DYTN: variants seen among roughly 807,000 people sequenced by gnomAD.
DYTN encodes the protein dystrotelin.
In DYTN, 75 loss-of-function variants were observed where a neutral mutation model predicts 69.6. That is an observed-to-expected ratio of 1.08 (90% confidence interval 0.89 to 1.31). DYTN has a LOEUF of 1.31. DYTN is among the 50% of genes most tolerant of loss of function. DYTN has a pLI of 0.00. For synonymous variants in DYTN, 252 were observed against 249.1 expected, an observed-to-expected ratio of 1.01 and a Z score of -0.11; for missense variants, 726 against 688.4, an observed-to-expected ratio of 1.05 and a Z score of -0.61.
At chr2:206,680,516 C>T (rs1403833800) in intron 9 of DYTN, among the ~76,000 whole-genome samples, 2 of 152,046 alleles carry the variant, frequency 1.3e-5, no homozygotes, top group Non-Finnish European at 2.9e-5. Flanking sequence ...CTGCTACTTG[C>T]TTTTTTCTCT....
chr2:206,681,929 T>C (rs1304442517), intron 9 of DYTN, among the ~76,000 whole-genome samples: 1 of 152,224 alleles, frequency 6.6e-6, no homozygotes, highest in Non-Finnish European at 1.5e-5. Context: ...TTCAATAGTT[T>C]GGAATAGTTT....
chr2:206,656,239 C>G (rs1245287333), intron 11 of DYTN, among the ~76,000 whole-genome samples: 1 of 152,032 alleles, frequency 6.6e-6, no homozygotes, highest in Non-Finnish European at 1.5e-5. Context: ...ATAATGACTT[C>G]TTTGTCACTT....
intron 5 of DYTN, among the ~76,000 whole-genome samples, chr2:206,704,258 C>T (rs376573875): frequency 1.3e-5 from 2 of 152,218 alleles, no homozygotes; most frequent in East Asian, 3.9e-4. Flanking sequence ...GTCAAAGAAG[C>T]TTTGAGCAAG....
chr2:206,693,147 G>A (rs1178106005), intron 9 of DYTN, 28 bp downstream of exon 9: 1 of 1,584,840 alleles, frequency 6.3e-7, no homozygotes, highest in Non-Finnish European at 8.6e-7. Flanking sequence ...CTGCTCTGTG[G>A]GATCAGCCAA....
chr2:206,712,199 C>T (rs73064047), intron 1 of DYTN, among the ~76,000 whole-genome samples: 1,956 of 152,232 alleles, frequency 0.013, 43 homozygotes, highest in African/African-American at 0.044. Context: ...TCTAAGAAGT[C>T]GCCAACGTCG....
chr2:206,661,599 T>C (rs183303614), intron 11 of DYTN, among the ~76,000 whole-genome samples: 3 of 152,326 alleles, frequency 2.0e-5, no homozygotes, highest in Admixed American at 2.0e-4. Flanking sequence ...TGAAGACCTT[T>C]ATAAAGATCC....
intron 9 of DYTN, among the ~76,000 whole-genome samples, chr2:206,683,771 A>G (rs1460499201): frequency 2.0e-5 from 3 of 152,190 alleles, no homozygotes; most frequent in East Asian, 3.9e-4. Flanking sequence ...AATACCAAGC[A>G]TGCCCCCACT....
At chr2:206,689,690 T>C (rs1699845095) in intron 9 of DYTN, among the ~76,000 whole-genome samples, 1 of 152,238 alleles carries the variant, frequency 6.6e-6, no homozygotes, top group African/African-American at 2.4e-5. Flanking sequence ...GACTTCCTCA[T>C]GGCCACACAC....
Position 206,675,052 on chromosome 2 carries a change from G to A in DYTN, c.981-9023C>T, listed in dbSNP as rs116445577. On this transcript the variant is annotated intron_variant, in intron 9 of 11. Transcript: ENST00000452335. ...CTCTGAAAGATGTGGAGTCTTTCAG[G>A]AATAAAGACCTGAAATAGAAACAAG... Among the ~76,000 whole-genome samples the A allele has an allele frequency of 9.2e-3, 1,366 of 148,202 alleles. 21 individuals carry two copies. Among genetic ancestry groups the A allele is most frequent in the African/African-American group, 0.032 (1,305 of 40,198 alleles).
Position 206,707,431 on chromosome 2 carries a change from G to C in DYTN, c.167C>G (p.Ser56Cys), listed in dbSNP as rs755323368. ...CTGAGAAAGTTGCTGCACAGAAAGG[G>C]AGTGCTTGCGAGCTTCCCAGAAACT... is the stretch of plus-strand genomic sequence containing the variant. Reference protein sequence around the residue: ...RPSFWEARKHSLSVQQLSQAL... With the variant: ...RPSFWEARKHCLSVQQLSQAL... The change falls in exon 3 of 12, where the codon TCC becomes TGC. Residue 56 changes from serine to cysteine, a missense_variant. Ser to Cys is a moderately radical substitution (Grantham distance 112). Transcript: ENST00000452335. The C allele has an allele frequency of 6.8e-6, 11 of 1,613,082 alleles. No individual in the cohort carries two copies. Among genetic ancestry groups the C allele is most frequent in the Non-Finnish European group, 8.5e-7 (1 of 1,179,602 alleles).
At chr2:206,711,394 A>T (rs1700077170) in intron 1 of DYTN, among the ~76,000 whole-genome samples, 1 of 152,186 alleles carries the variant, frequency 6.6e-6, no homozygotes, top group South Asian at 2.1e-4. Context: ...AGCTATACTT[A>T]GTTCTGTTCC....
intron 9 of DYTN, among the ~76,000 whole-genome samples, chr2:206,678,177 A>C (rs1461340094): frequency 1.3e-5 from 2 of 152,348 alleles, no homozygotes; most frequent in Non-Finnish European, 2.9e-5. Flanking sequence ...ATGAAGGAAA[A>C]AATACAGTTG....
In DYTN at chr2:206,663,351, A is replaced by C. The variant is rs1471622825; in HGVS notation, c.1185T>G (p.Asn395Lys). Residue 395 changes from asparagine to lysine, a missense_variant, in exon 11 of 12, where the codon AAT becomes AAG. Asn to Lys is a moderately conservative substitution (Grantham distance 94). Coordinates refer to ENST00000452335, the MANE Select transcript of DYTN (RefSeq NM_001093730.1). ...PPGPSSSSFQ[N>K]VGNKVDHSST... is the part of the protein sequence containing the mutation. ...AAGAATGGTCAACCTTGTTCCCCAC[A>C]TTTTGAAAGGAAGAAGATGAAGGAC... The C allele has an allele frequency of 1.2e-6, 2 of 1,611,878 alleles. No homozygotes were observed. The highest frequency in any genetic ancestry group is 1.7e-6 in the Non-Finnish European group (2 of 1,179,134).
chr2:206,709,425 G>T (rs1200386227), intron 2 of DYTN, among the ~76,000 whole-genome samples: 1 of 151,818 alleles, frequency 6.6e-6, no homozygotes, highest in Non-Finnish European at 1.5e-5. Context: ...CTCCAGCCTG[G>T]GTGACAGAGT....
rs1699946500 is a variant in DYTN at position 206,698,808 on chromosome 2, A to G, written c.719+919T>C. Among the ~76,000 whole-genome samples the G allele has an allele frequency of 2.0e-5, 3 of 152,242 alleles. No homozygotes were observed. The South Asian group carries it at 6.2e-4, about 32-fold the overall frequency. On this transcript the variant is annotated intron_variant, in intron 7 of 11. Coordinates refer to ENST00000452335, the MANE Select transcript of DYTN (RefSeq NM_001093730.1). Reference sequence around the variant, plus strand: ...TTTGCTCCAGGTGGAGAGAAGATCAAGCCTGAGTTGTTCTCATGAATGCTG... The same window carrying G: ...TTTGCTCCAGGTGGAGAGAAGATCAGGCCTGAGTTGTTCTCATGAATGCTG...
At chr2:206,705,031 G>T in intron 4 of DYTN, 88 bp from the exon 5 acceptor site, 2 of 1,056,510 alleles carry the variant, frequency 1.9e-6, no homozygotes, top group Non-Finnish European at 2.8e-6. Flanking sequence ...GTCTCTTTGT[G>T]GCTATGAAAG....
chr2:206,689,000 A>G (rs1226371282), intron 9 of DYTN, among the ~76,000 whole-genome samples: 1 of 152,170 alleles, frequency 6.6e-6, no homozygotes, highest in Non-Finnish European at 1.5e-5. Flanking sequence ...TTTGCTAGTT[A>G]CTTGGGGTTT....
chr2:206,704,117 A>T (rs1700002631), intron 5 of DYTN, among the ~76,000 whole-genome samples: 2 of 152,182 alleles, frequency 1.3e-5, no homozygotes, highest in Non-Finnish European at 2.9e-5. Flanking sequence ...TGCATTCTTT[A>T]AGCATTTTTT....
At chr2:206,661,447 A>G (rs527472318) in intron 11 of DYTN, among the ~76,000 whole-genome samples, 1 of 152,260 alleles carries the variant, frequency 6.6e-6, no homozygotes, top group African/African-American at 2.4e-5. Context: ...TGACCCTTGA[A>G]CAATACAGGT....
Sources: allele counts gnomAD v4.1 joint callset (sites outside exome capture counted in the v4.1 genomes callset), GRCh38; gene constraint gnomAD v4.1.1; transcripts MANE v1.5; gene names NCBI Gene and HGNC (gene_info 2026-07-23, HGNC 2026-07-21).